KIAA1549L: variants seen among roughly 807,000 people sequenced by gnomAD.
The protein encoded by KIAA1549L is UPF0606 protein KIAA1549L.
A neutral mutation model predicts 160.7 loss-of-function variants in KIAA1549L; 88 were observed. The ratio of observed to expected loss-of-function variants is 0.55; its 90% CI spans 0.46 to 0.65. The LOEUF is 0.65. KIAA1549L is among the 30% of genes least tolerant of loss of function. The pLI is 0.00. For synonymous variants in KIAA1549L, 950 were observed against 976.7 expected, an observed-to-expected ratio of 0.97 and a Z score of 0.51; for missense variants, 2,258 against 2,437.5, an observed-to-expected ratio of 0.93 and a Z score of 1.55.
At chr11:33,432,105 C>T (rs541396165) in intron 1 of KIAA1549L, among the ~76,000 whole-genome samples, 10 of 152,252 alleles carry the variant, frequency 6.6e-5, no homozygotes, top group South Asian at 6.2e-4. Flanking sequence ...CACGCAGTCC[C>T]GGTTCCCGCT....
intron 11 of KIAA1549L, among the ~76,000 whole-genome samples, chr11:33,590,362 C>G (rs1008349026): frequency 6.6e-6 from 1 of 152,208 alleles, no homozygotes; most frequent in Admixed American, 6.5e-5. Flanking sequence ...CCACTTTTAC[C>G]CACCACACTG....
At chr11:33,555,980 A>C (rs1854633806) in intron 6 of KIAA1549L, among the ~76,000 whole-genome samples, 2 of 152,142 alleles carry the variant, frequency 1.3e-5, no homozygotes, top group Non-Finnish European at 1.5e-5. Context: ...AAACAAAAAA[A>C]TCCAATTAAG....
rs186616267 is a variant in KIAA1549L at position 33,630,629 on chromosome 11, C to T, written c.5409+11967C>T. ...TTCCCGAGTGAGGCAATGCCTCGCC[C>T]TGCTTCGGCTCATGCATGGTGCGTG... On this transcript the variant is annotated intron_variant, in intron 16 of 20. Transcript: ENST00000658780. Among the ~76,000 whole-genome samples, 337 of 152,378 alleles carry T rather than the reference C, an allele frequency of 2.2e-3. 1 individual carries two copies. Among genetic ancestry groups the T allele is most frequent in the Non-Finnish European group, 3.7e-3 (255 of 68,030 alleles).
intron 1 of KIAA1549L, among the ~76,000 whole-genome samples, chr11:33,446,441 C>G (rs776084511): frequency 3.3e-5 from 5 of 152,122 alleles, no homozygotes. Context: ...TTAAAGAACT[C>G]TGTGGTTGGT....
chr11:33,637,463 A>G (rs1213550034), intron 16 of KIAA1549L, among the ~76,000 whole-genome samples: 2 of 152,210 alleles, frequency 1.3e-5, no homozygotes. Context: ...ACCCTGCATG[A>G]TCTGGACCCT....
At chr11:33,447,469 T>C (rs562897730) in intron 1 of KIAA1549L, among the ~76,000 whole-genome samples, 69 of 143,972 alleles carry the variant, frequency 4.8e-4, no homozygotes, top group African/African-American at 1.7e-3. Flanking sequence ...CATCCATCCA[T>C]CCATCCACCC....
At chr11:33,379,070 C>T (rs1850020110) in intron 1 of KIAA1549L, among the ~76,000 whole-genome samples, 1 of 152,160 alleles carries the variant, frequency 6.6e-6, no homozygotes, top group Admixed American at 6.5e-5. Context: ...ATGCGTCCGA[C>T]CCTGAGATGT....
chr11:33,448,321 A>G (rs1851656745), intron 1 of KIAA1549L, among the ~76,000 whole-genome samples: 1 of 152,178 alleles, frequency 6.6e-6, no homozygotes, highest in Non-Finnish European at 1.5e-5. Context: ...ACTCAGAAAC[A>G]TGAATACCAG....
intron 16 of KIAA1549L, among the ~76,000 whole-genome samples, chr11:33,621,432 C>T (rs1179248004): frequency 6.6e-6 from 1 of 152,126 alleles, no homozygotes; most frequent in Non-Finnish European, 1.5e-5. Flanking sequence ...GGACACATTC[C>T]CATTAGAGGG....
intron 16 of KIAA1549L, among the ~76,000 whole-genome samples, chr11:33,622,424 C>G (rs1447082683): frequency 1.3e-5 from 2 of 152,124 alleles, no homozygotes; most frequent in Non-Finnish European, 2.9e-5. Context: ...AAGCGGCCTG[C>G]CCTGGAACAC....
intron 1 of KIAA1549L, among the ~76,000 whole-genome samples, chr11:33,413,578 C>T (rs961701263): frequency 6.6e-6 from 1 of 151,928 alleles, no homozygotes; most frequent in Non-Finnish European, 1.5e-5. Context: ...TATGCTACCA[C>T]GATATCTCAA....
chr11:33,433,752 T>G (rs1851299217), intron 1 of KIAA1549L, among the ~76,000 whole-genome samples: 1 of 152,212 alleles, frequency 6.6e-6, no homozygotes, highest in South Asian at 2.1e-4. Flanking sequence ...TGGAATACTA[T>G]GCAGCCATAA....
chr11:33,608,379 C>G (rs966837911), intron 14 of KIAA1549L, among the ~76,000 whole-genome samples: 1 of 152,258 alleles, frequency 6.6e-6, no homozygotes, highest in Non-Finnish European at 1.5e-5. Flanking sequence ...GAAGAAAGAT[C>G]ATGTATTTTA....
chr11:33,435,816 G>GTGTGTGTGTATATATATATATATATATA, intron 1 of KIAA1549L, among the ~76,000 whole-genome samples: 1 of 39,566 alleles, frequency 2.5e-5, no homozygotes, highest in African/African-American at 1.6e-4. Flanking sequence ...ATATATGTGT[G>GTGTGTGTGTATATATATATATATATATA]TGTATATATA....
rs564722512 is a variant in KIAA1549L at position 33,673,162 on chromosome 11, T to C, written c.*5008T>C. The C allele has an allele frequency of 3.9e-5, 6 of 152,224 alleles. No individual in the cohort carries two copies. Among genetic ancestry groups the C allele is most frequent in the South Asian group, 2.1e-4 (1 of 4,826 alleles). The allele number at this position is 152,224 out of a possible 1,614,324, so 9.4% of individuals were successfully genotyped here. On this transcript the variant is annotated 3_prime_UTR_variant, in exon 21 of 21. Transcript: ENST00000658780. ...CACACACACATTACTTTAGAAGATA[T>C]GCAGTTGCTCTGATTCTGCAGGTTT...
At chr11:33,563,463 C>T (rs1401050633) in intron 8 of KIAA1549L, among the ~76,000 whole-genome samples, 5 of 151,894 alleles carry the variant, frequency 3.3e-5, no homozygotes, top group African/African-American at 1.2e-4. Context: ...AGCCTGGTCC[C>T]AAACCTCCCC....
At chr11:33,488,735 G>T (rs1213241410) in intron 1 of KIAA1549L, among the ~76,000 whole-genome samples, 1 of 152,186 alleles carries the variant, frequency 6.6e-6, no homozygotes, top group African/African-American at 2.4e-5. Flanking sequence ...ATTACATTTA[G>T]AACAATAGCT....
chr11:33,522,427 A>C (rs1317145559), intron 1 of KIAA1549L, among the ~76,000 whole-genome samples: 1 of 152,236 alleles, frequency 6.6e-6, no homozygotes, highest in Non-Finnish European at 1.5e-5. Context: ...TGTGGTCCCA[A>C]AATAGATACC....
intron 1 of KIAA1549L, among the ~76,000 whole-genome samples, chr11:33,520,019 T>A (rs900171191): frequency 6.6e-6 from 1 of 152,090 alleles, no homozygotes; most frequent in Non-Finnish European, 1.5e-5. Context: ...TGTGTATAAC[T>A]TGATGTGTTT....
Sources: gnomAD v4.1 joint callset for allele counts (sites outside exome capture counted in the v4.1 genomes callset) on GRCh38, gnomAD v4.1.1 for gene constraint, MANE v1.5 for transcripts, NCBI Gene and HGNC (gene_info 2026-07-23, HGNC 2026-07-21) for gene names.